ARHGAP19: variants seen among roughly 807,000 people sequenced by gnomAD.
The protein encoded by ARHGAP19 is rho GTPase-activating protein 19.
Under a neutral mutation model 60.9 loss-of-function variants are expected in ARHGAP19, and 48 were observed. That is an observed-to-expected ratio of 0.79 (90% confidence interval 0.62 to 1.00). ARHGAP19 has a LOEUF of 1.00. Ranked by LOEUF, ARHGAP19 falls within the 50% of genes least tolerant of loss-of-function variation. ARHGAP19 has a pLI of 0.00. For synonymous variants in ARHGAP19, 209 were observed against 215.5 expected, an observed-to-expected ratio of 0.97 and a Z score of 0.27; for missense variants, 562 against 597.2, an observed-to-expected ratio of 0.94 and a Z score of 0.61.
intron 3 of ARHGAP19, among the ~76,000 whole-genome samples, chr10:97,264,404 G>A (rs1201124651): frequency 1.3e-5 from 2 of 150,068 alleles, no homozygotes; most frequent in African/African-American, 2.5e-5. Flanking sequence ...AGTGAGCCAA[G>A]ATCACACCAC....
intron 4 of ARHGAP19, among the ~76,000 whole-genome samples, chr10:97,263,192 C>T (rs1187484282): frequency 1.3e-5 from 2 of 152,112 alleles, no homozygotes; most frequent in Non-Finnish European, 2.9e-5. Context: ...ATCTTACTAC[C>T]AGCTCCTTAT....
In ARHGAP19 at chr10:97,246,209, T is replaced by A. The variant is rs890088353; in HGVS notation, c.993+63A>T. ...CTTTTACTTTGACTTCATACTTTGT[T>A]TTAAGACTCCACAAATCTTAATGCT... On this transcript the variant is annotated intron_variant, in intron 7 of 11. Transcript: ENST00000358531. 6.3e-5 allele frequency: 85 copies of A among 1,350,728 alleles called. 2 individuals carry two copies. The South Asian group carries it at 9.5e-4, about 15-fold the overall frequency. The allele number at this position is 1,350,728 out of a possible 1,614,324, so 83.7% of individuals were successfully genotyped here.
intron 9 of ARHGAP19, among the ~76,000 whole-genome samples, chr10:97,234,216 G>A (rs890442558): frequency 1.3e-5 from 2 of 151,764 alleles, no homozygotes; most frequent in African/African-American, 2.4e-5. Flanking sequence ...GCAGTGAGCC[G>A]AGACCATGTT....
At chr10:97,288,930 T>C (rs1439158254) in intron 1 of ARHGAP19, among the ~76,000 whole-genome samples, 1 of 147,108 alleles carries the variant, frequency 6.8e-6, no homozygotes, top group Non-Finnish European at 1.5e-5. Flanking sequence ...TTCTCCTGCC[T>C]CAGCCTCCCG....
intron 10 of ARHGAP19, 53 bp from the exon 11 acceptor site, chr10:97,229,278 G>T: frequency 1.5e-6 from 2 of 1,371,680 alleles, no homozygotes; most frequent in Non-Finnish European, 2.1e-6. Context: ...CATTCCTATA[G>T]ACAGACTTTA....
rs77705360 is a variant in ARHGAP19 at position 97,260,620 on chromosome 10, C to A, written c.614-992G>T. On this transcript the variant is annotated intron_variant, in intron 4 of 11. Coordinates refer to ENST00000358531, the MANE Select transcript of ARHGAP19 (RefSeq NM_032900.6). ...ATATCCACTACAATGGCTATAACTA[C>A]AAACAGATTGACAATAAAAAATGTT... Among the ~76,000 whole-genome samples, 145 of 152,156 alleles carry A rather than the reference C, an allele frequency of 9.5e-4. 1 individual carries two copies. In the East Asian group the frequency reaches 0.027, roughly 29 times the overall value.
intron 9 of ARHGAP19, among the ~76,000 whole-genome samples, chr10:97,232,445 G>A (rs1298723887): frequency 6.6e-6 from 1 of 152,114 alleles, no homozygotes; most frequent in Admixed American, 6.5e-5. Context: ...TTACAGGCGT[G>A]AGCCACTGTG....
At chr10:97,230,712 A>G (rs1490754034) in intron 9 of ARHGAP19, among the ~76,000 whole-genome samples, 1 of 152,226 alleles carries the variant, frequency 6.6e-6, no homozygotes, top group Non-Finnish European at 1.5e-5. Flanking sequence ...TAGCCAAAAA[A>G]GGGATCCAGA....
intron 9 of ARHGAP19, among the ~76,000 whole-genome samples, chr10:97,233,317 A>T (rs898857052): frequency 6.6e-6 from 1 of 151,668 alleles, no homozygotes; most frequent in Non-Finnish European, 1.5e-5. Context: ...TGCCACTTGT[A>T]CTTCAGCCTG....
chr10:97,265,780 T>C, intron 2 of ARHGAP19, 80 bp downstream of exon 2: 1 of 1,531,372 alleles, frequency 6.5e-7, no homozygotes, highest in East Asian at 2.3e-5. Flanking sequence ...ATAGCAACTC[T>C]TCGGTGAATG....
chr10:97,245,241 A>C (rs1281384277), intron 7 of ARHGAP19, among the ~76,000 whole-genome samples: 1 of 151,976 alleles, frequency 6.6e-6, no homozygotes, highest in East Asian at 1.9e-4. Context: ...TCCTGATCTC[A>C]AGTGATCCGC....
At chr10:97,285,029 A>G (rs1843135579) in intron 1 of ARHGAP19, among the ~76,000 whole-genome samples, 1 of 151,224 alleles carries the variant, frequency 6.6e-6, no homozygotes, top group Non-Finnish European at 1.5e-5. Flanking sequence ...GCACCCAGCT[A>G]ATTTTTTGTA....
At chr10:97,253,351 A>T (rs1245112509) in intron 6 of ARHGAP19, among the ~76,000 whole-genome samples, 1 of 151,448 alleles carries the variant, frequency 6.6e-6, no homozygotes, top group Non-Finnish European at 1.5e-5. Context: ...GCACTTCAGC[A>T]CAGGTAACCA....
At chr10:97,291,266 A>G (rs1223582453) in intron 1 of ARHGAP19, among the ~76,000 whole-genome samples, 3 of 152,198 alleles carry the variant, frequency 2.0e-5, no homozygotes, top group Admixed American at 2.0e-4. Context: ...TTGCAACTGC[A>G]AAACAAAAAC....
chr10:97,252,997 A>G (rs77465287), intron 6 of ARHGAP19, among the ~76,000 whole-genome samples: 2 of 152,104 alleles, frequency 1.3e-5, no homozygotes, highest in African/African-American at 4.8e-5. Flanking sequence ...ATCCTGTCAA[A>G]TTGCAGCAAC....
At chr10:97,226,517 AC>A (rs1285328254) in intron 11 of ARHGAP19, among the ~76,000 whole-genome samples, 10 of 152,170 alleles carry the variant, frequency 6.6e-5, no homozygotes, top group Non-Finnish European at 1.3e-4. Flanking sequence ...TGGGAATGGA[AC>A]CCAAGCCCAG....
At chr10:97,259,706 C>A in intron 4 of ARHGAP19, 78 bp from the exon 5 acceptor site, 1 of 986,424 alleles carries the variant, frequency 1.0e-6, no homozygotes, top group Non-Finnish European at 1.6e-6. Flanking sequence ...ATTATCCTCC[C>A]CTCAACTCCC....
Position 97,265,732 on chromosome 10 carries a change from T to A in ARHGAP19, c.322+128A>T, listed in dbSNP as rs1463139139. 3.3e-6 allele frequency: 4 copies of A among 1,208,168 alleles called. No homozygotes were observed. The East Asian group carries it at 9.4e-5, about 28-fold the overall frequency. 74.8% of individuals were successfully genotyped at this position (1,208,168 alleles called of 1,614,324 possible). On this transcript the variant is annotated intron_variant, in intron 2 of 11. Coordinates refer to ENST00000358531, the MANE Select transcript of ARHGAP19 (RefSeq NM_032900.6). ...CTATTACTTAAGGTGTTACTACTTA[T>A]AAAAACTGAAAAAATGGCCAAAAAA... is the stretch of plus-strand genomic sequence containing the variant.
At chr10:97,241,596 C>G (rs2134833508) in intron 8 of ARHGAP19, among the ~76,000 whole-genome samples, 1 of 150,760 alleles carries the variant, frequency 6.6e-6, no homozygotes, top group East Asian at 2.0e-4. Flanking sequence ...GCATGTAGTC[C>G]TAGCTATTCA....
Sources: gnomAD v4.1 joint callset for allele counts (sites outside exome capture counted in the v4.1 genomes callset) on GRCh38, gnomAD v4.1.1 for gene constraint, MANE v1.5 for transcripts, NCBI Gene and HGNC (gene_info 2026-07-23, HGNC 2026-07-21) for gene names.